CSMD1: variants seen among roughly 807,000 people sequenced by gnomAD.
CSMD1 encodes CUB and Sushi multiple domains 1, also known as CUB and sushi domain-containing protein 1.
CSMD1 carries 213 observed loss-of-function variants against 417.5 expected under a neutral mutation model. That is an observed-to-expected ratio of 0.51 (90% confidence interval 0.46 to 0.57). CSMD1 has a LOEUF of 0.57. Ranked by LOEUF, CSMD1 falls within the 20% of genes least tolerant of loss-of-function variation. CSMD1 has a pLI of 0.00. For synonymous variants in CSMD1, 2,862 were observed against 1,736.8 expected (o/e 1.65, Z -16.11); for missense variants, 6,923 against 4,529.7 (o/e 1.53, Z -15.17).
chr8:4,793,346 C>G (rs998233359), intron 1 of CSMD1, among the ~76,000 whole-genome samples: 2 of 152,142 alleles, frequency 1.3e-5, no homozygotes, highest in East Asian at 3.9e-4. Context: ...AGTACTATAA[C>G]TACTACACTG....
chr8:4,025,845 T>A (rs1195538743), intron 4 of CSMD1, among the ~76,000 whole-genome samples: 1 of 152,196 alleles, frequency 6.6e-6, no homozygotes, highest in Admixed American at 6.6e-5. Flanking sequence ...TAATTAAATA[T>A]ACAGTTATAC....
At chr8:3,656,319 G>C (rs547520704) in intron 7 of CSMD1, among the ~76,000 whole-genome samples, 5 of 152,174 alleles carry the variant, frequency 3.3e-5, no homozygotes, top group African/African-American at 4.8e-5. Context: ...AGGGCGAAAG[G>C]TATAGCACTA....
At chr8:3,560,108 C>G (rs1799406253) in intron 10 of CSMD1, among the ~76,000 whole-genome samples, 1 of 152,080 alleles carries the variant, frequency 6.6e-6, no homozygotes, top group African/African-American at 2.4e-5. Flanking sequence ...TTCCAGGACC[C>G]ATTCGAACTT....
chr8:4,678,200 C>T (rs1028124679), intron 1 of CSMD1, among the ~76,000 whole-genome samples: 92 of 136,942 alleles, frequency 6.7e-4, no homozygotes, highest in African/African-American at 1.6e-3. Context: ...CACATGAGGC[C>T]GGGAGTTCGA....
At chr8:3,088,654 T>C (rs1316780435) in intron 48 of CSMD1, among the ~76,000 whole-genome samples, 1 of 152,000 alleles carries the variant, frequency 6.6e-6, no homozygotes, top group Non-Finnish European at 1.5e-5. Flanking sequence ...GGCTGATTTT[T>C]CTTAACTGAA....
intron 48 of CSMD1, among the ~76,000 whole-genome samples, chr8:3,091,212 CAT>C (rs1049393879): frequency 3.3e-5 from 5 of 151,868 alleles, no homozygotes; most frequent in African/African-American, 7.2e-5. Flanking sequence ...ACCATTTAAA[CAT>C]ATTTTAAAAT....
intron 2 of CSMD1, among the ~76,000 whole-genome samples, chr8:4,479,078 G>C (rs1406018540): frequency 6.6e-6 from 1 of 152,106 alleles, no homozygotes; most frequent in Non-Finnish European, 1.5e-5. Flanking sequence ...GTTTACGTGT[G>C]TAAAGAAATA....
chr8:3,182,431 T>A (rs979484207), intron 36 of CSMD1, among the ~76,000 whole-genome samples: 9 of 152,100 alleles, frequency 5.9e-5, no homozygotes, highest in Admixed American at 2.0e-4. Flanking sequence ...GCCAGGCTGG[T>A]CTCGAACTCC....
intron 3 of CSMD1, among the ~76,000 whole-genome samples, chr8:4,390,494 C>CTTTTT (rs1803769414): frequency 3.2e-5 from 1 of 30,810 alleles, no homozygotes; most frequent in African/African-American, 2.8e-4. Flanking sequence ...CAGAAGCGTC[C>CTTTTT]ATTTTTATTT....
chr8:3,859,117 A>G (rs1395524465), intron 5 of CSMD1, among the ~76,000 whole-genome samples: 1 of 152,196 alleles, frequency 6.6e-6, no homozygotes, highest in African/African-American at 2.4e-5. Flanking sequence ...AGCTCTGAGT[A>G]CTATGATTCA....
intron 50 of CSMD1, among the ~76,000 whole-genome samples, chr8:3,040,108 C>T (rs577913360): frequency 2.4e-4 from 37 of 152,226 alleles, no homozygotes; most frequent in African/African-American, 8.2e-4. Flanking sequence ...TACTTTTCCT[C>T]CTCCAATTTC....
rs147542205 is a variant in CSMD1, at chr8:4,232,505, G to T, written c.415+187448C>A. On this transcript the variant is annotated intron_variant, in intron 3 of 69. Coordinates refer to ENST00000635120, the MANE Select transcript of CSMD1 (RefSeq NM_033225.6). ...TGAGCAACTGCGCCCAGCCACACAT[G>T]TCCTTTAAATTACACACTACCTATG... is the stretch of plus-strand genomic sequence containing the variant. Among the ~76,000 whole-genome samples, 909 of 152,082 alleles carry T rather than the reference G, an allele frequency of 6.0e-3. 6 individuals are homozygous for T. The highest frequency in any genetic ancestry group is 7.9e-3 in the Non-Finnish European group (537 of 68,016).
At chr8:4,486,503 G>T (rs1801424858) in intron 2 of CSMD1, among the ~76,000 whole-genome samples, 2 of 151,534 alleles carry the variant, frequency 1.3e-5, no homozygotes, top group Admixed American at 1.3e-4. Flanking sequence ...AAAAATTAGT[G>T]ATGTTTATAT....
At chr8:4,107,044 G>A (rs956425865) in intron 3 of CSMD1, among the ~76,000 whole-genome samples, 4 of 152,038 alleles carry the variant, frequency 2.6e-5, no homozygotes, top group Admixed American at 6.5e-5. Context: ...CATATCACGC[G>A]GCACATCTCC....
chr8:4,505,813 T>C (rs530317616), intron 2 of CSMD1, among the ~76,000 whole-genome samples: 87 of 152,168 alleles, frequency 5.7e-4, no homozygotes, highest in African/African-American at 2.0e-3. Flanking sequence ...AATATTTTTT[T>C]TTTTTTAGAT....
chr8:3,525,869 G>A (rs1407419809), intron 10 of CSMD1, among the ~76,000 whole-genome samples: 1 of 152,196 alleles, frequency 6.6e-6, no homozygotes, highest in Non-Finnish European at 1.5e-5. Flanking sequence ...ATTAGAAAAT[G>A]TTATTAACTT....
At chr8:3,135,050 A>G (rs1396371608) in intron 41 of CSMD1, among the ~76,000 whole-genome samples, 2 of 152,106 alleles carry the variant, frequency 1.3e-5, no homozygotes, top group Non-Finnish European at 2.9e-5. Context: ...CAGCCTCCCA[A>G]GTAGCCAGGA....
intron 1 of CSMD1, among the ~76,000 whole-genome samples, chr8:4,659,036 A>T (rs1804419242): frequency 6.6e-6 from 1 of 152,190 alleles, no homozygotes; most frequent in Non-Finnish European, 1.5e-5. Context: ...TCAAAATGGT[A>T]CACTACAAAA....
chr8:3,841,779 A>G (rs1803152151), intron 5 of CSMD1, among the ~76,000 whole-genome samples: 1 of 152,114 alleles, frequency 6.6e-6, no homozygotes, highest in African/African-American at 2.4e-5. Context: ...AGACAATGAA[A>G]ATTAGTAAAT....
Sources: gnomAD v4.1 joint callset for allele counts (sites outside exome capture counted in the v4.1 genomes callset) on GRCh38, gnomAD v4.1.1 for gene constraint, MANE v1.5 for transcripts, NCBI Gene and HGNC (gene_info 2026-07-23, HGNC 2026-07-21) for gene names.